CAMTA1: variants seen among roughly 807,000 people sequenced by gnomAD.
CAMTA1 encodes the protein calmodulin-binding transcription activator 1.
Under a neutral mutation model 170.9 loss-of-function variants are expected in CAMTA1, and 27 were observed. That is an observed-to-expected ratio of 0.16 (90% confidence interval 0.12 to 0.22). CAMTA1 has a LOEUF of 0.22. CAMTA1 is among the 10% of genes least tolerant of loss of function. The probability of loss-of-function intolerance (pLI) is 1.00; values close to 1 mark genes in which losing one functional copy is unlikely to be tolerated. For synonymous variants in CAMTA1, 833 were observed against 891.5 expected, an observed-to-expected ratio of 0.93 and a Z score of 1.17; for missense variants, 1,619 against 2,217.2, an observed-to-expected ratio of 0.73 and a Z score of 5.42.
chr1:7,703,132 A>G (rs2096460293), intron 11 of CAMTA1, among the ~76,000 whole-genome samples: 1 of 152,224 alleles, frequency 6.6e-6, no homozygotes, highest in Non-Finnish European at 1.5e-5. Context: ...ACACCAACAC[A>G]TAACAAAGCT....
At chr1:6,890,009 A>G (rs1418841201) in intron 3 of CAMTA1, among the ~76,000 whole-genome samples, 3 of 152,200 alleles carry the variant, frequency 2.0e-5, no homozygotes, top group African/African-American at 7.2e-5. Context: ...TTTTCATTCA[A>G]CATTCCTGCA....
chr1:6,844,868 C>T (rs1317964656), intron 3 of CAMTA1, among the ~76,000 whole-genome samples: 2 of 152,108 alleles, frequency 1.3e-5, no homozygotes. Flanking sequence ...CAATGCTAAG[C>T]TATTGTTTAA....
At position 6,842,947 on chromosome 1, in the gene CAMTA1, A is replaced by C. The variant is rs1339097598; in HGVS notation, c.234+17737A>C. The stretch of plus-strand genomic sequence containing the variant: ...CTCAAAAAAAAAAAAGAAGGAAGCA[A>C]AAGGAAATCTGGAGGGGAACATTTG... On this transcript the variant is annotated intron_variant, in intron 3 of 22. Transcript: ENST00000303635. Among the ~76,000 whole-genome samples the C allele has an allele frequency of 2.6e-5, 4 of 152,292 alleles. No homozygotes were observed. In the East Asian group the frequency reaches 7.7e-4, roughly 29 times the overall value.
intron 1 of CAMTA1, among the ~76,000 whole-genome samples, chr1:6,816,439 T>C (rs1645822668): frequency 6.6e-6 from 1 of 152,072 alleles, no homozygotes; most frequent in Non-Finnish European, 1.5e-5. Flanking sequence ...TTAATAGTTG[T>C]AGAACAAATG....
chr1:7,630,165 C>T (rs2095659497), intron 6 of CAMTA1, among the ~76,000 whole-genome samples: 1 of 152,226 alleles, frequency 6.6e-6, no homozygotes, highest in Admixed American at 6.5e-5. Flanking sequence ...GAAAAGTCCT[C>T]CCCTCCCGGG....
intron 5 of CAMTA1, among the ~76,000 whole-genome samples, chr1:7,253,110 G>A (rs895606549): frequency 2.6e-5 from 4 of 152,168 alleles, no homozygotes; most frequent in African/African-American, 9.7e-5. Context: ...GGGTGGTTGC[G>A]ATGTCACTGT....
chr1:7,601,873 T>C (rs1217581915), intron 6 of CAMTA1, among the ~76,000 whole-genome samples: 6 of 151,674 alleles, frequency 4.0e-5, no homozygotes, highest in Non-Finnish European at 5.9e-5. Context: ...GAGGTTGCAG[T>C]GAGCTGAGAT....
chr1:7,403,650 T>C (rs2090077277), intron 5 of CAMTA1, among the ~76,000 whole-genome samples: 1 of 152,014 alleles, frequency 6.6e-6, no homozygotes, highest in African/African-American at 2.4e-5. Flanking sequence ...CAAAGGTGAG[T>C]AGTCTGTGGT....
chr1:6,915,352 C>T (rs1248549193), intron 3 of CAMTA1, among the ~76,000 whole-genome samples: 1 of 152,168 alleles, frequency 6.6e-6, no homozygotes, highest in Non-Finnish European at 1.5e-5. Context: ...GCCAAGAAAT[C>T]TAGTAATTTC....
chr1:7,670,643 G>C (rs2096052070), intron 9 of CAMTA1, among the ~76,000 whole-genome samples: 1 of 152,098 alleles, frequency 6.6e-6, no homozygotes, highest in Admixed American at 6.5e-5. Context: ...ACACAAAAGG[G>C]AGAAGGTCAG....
intron 3 of CAMTA1, among the ~76,000 whole-genome samples, chr1:7,021,387 C>T (rs900422913): frequency 2.0e-5 from 3 of 151,970 alleles, no homozygotes; most frequent in South Asian, 2.1e-4. Context: ...GTGCCCTCAT[C>T]GCTCAGCTTC....
At chr1:7,503,668 T>C (rs1409136602) in intron 6 of CAMTA1, among the ~76,000 whole-genome samples, 1 of 152,182 alleles carries the variant, frequency 6.6e-6, no homozygotes, top group Non-Finnish European at 1.5e-5. Flanking sequence ...CTAGGGCACC[T>C]GAAGGCTCTC....
chr1:6,975,334 T>C (rs1012850186), intron 3 of CAMTA1, among the ~76,000 whole-genome samples: 5 of 152,194 alleles, frequency 3.3e-5, no homozygotes, highest in African/African-American at 1.2e-4. Context: ...AGTGGCATGG[T>C]TAGCGTCACT....
Position 7,003,841 on chromosome 1 carries a change from G to T in CAMTA1, c.235-87463G>T, listed in dbSNP as rs1698594605. Among the ~76,000 whole-genome samples, 2 of 152,150 alleles carry T rather than the reference G, an allele frequency of 1.3e-5. 1 individual carries two copies. The highest frequency in any genetic ancestry group is 1.3e-4 in the Admixed American group (2 of 15,282). On this transcript the variant is annotated intron_variant, in intron 3 of 22. Coordinates refer to ENST00000303635, the MANE Select transcript of CAMTA1 (RefSeq NM_015215.4). ...ACGGAAGTATCTGGTTTATGCCCTA[G>T]GAGGTAATAGGAGTTGTGAGAGGTG...
intron 6 of CAMTA1, among the ~76,000 whole-genome samples, chr1:7,541,933 G>T (rs2094616960): frequency 6.6e-6 from 1 of 152,192 alleles, no homozygotes; most frequent in African/African-American, 2.4e-5. Flanking sequence ...CACCGTCCAT[G>T]TTTCTCACTG....
rs148418272 is a variant in CAMTA1 at position 7,515,376 on chromosome 1, G to A, written c.510+47475G>A. Among the ~76,000 whole-genome samples, 701 of 152,294 alleles carry A rather than the reference G, an allele frequency of 4.6e-3. 8 individuals are homozygous for A. The highest frequency in any genetic ancestry group is 0.016 in the African/African-American group (656 of 41,556). On this transcript the variant is annotated intron_variant, in intron 6 of 22. Transcript: ENST00000303635. ...CTCGGACTGTGGCACCAAAACACCTGATTCCTGTCCGGGCTCTGCCTCTGT... is the reference window on the plus strand; with the variant it reads ...CTCGGACTGTGGCACCAAAACACCTAATTCCTGTCCGGGCTCTGCCTCTGT...
At chr1:7,478,248 G>A (rs886543376) in intron 6 of CAMTA1, among the ~76,000 whole-genome samples, 1 of 146,056 alleles carries the variant, frequency 6.8e-6, no homozygotes, top group Non-Finnish European at 1.5e-5. Context: ...GTTTGCAAAT[G>A]GCAAAATGCT....
At chr1:7,432,987 A>AC (rs1421593739) in intron 5 of CAMTA1, among the ~76,000 whole-genome samples, 2 of 151,940 alleles carry the variant, frequency 1.3e-5, no homozygotes, top group Admixed American at 1.3e-4. Flanking sequence ...GACCCGACAG[A>AC]CCCCCAGCCT....
intron 1 of CAMTA1, among the ~76,000 whole-genome samples, chr1:6,799,892 G>A (rs1489670647): frequency 6.6e-6 from 1 of 152,028 alleles, no homozygotes; most frequent in Non-Finnish European, 1.5e-5. Context: ...AAATGAAGTC[G>A]GAGATATGGA....
Sources: allele counts gnomAD v4.1 joint callset (sites outside exome capture counted in the v4.1 genomes callset), GRCh38; gene constraint gnomAD v4.1.1; transcripts MANE v1.5; gene names NCBI Gene and HGNC (gene_info 2026-07-23, HGNC 2026-07-21).